ELF2: variants seen among roughly 807,000 people sequenced by gnomAD.
The protein encoded by ELF2 is ETS-related transcription factor Elf-2.
ELF2 carries 11 observed loss-of-function variants against 54.8 expected under a neutral mutation model. The observed-to-expected ratio is 0.20, with a 90% CI of 0.13 to 0.33. The LOEUF is 0.33. Ranked by LOEUF, ELF2 falls within the 10% of genes least tolerant of loss-of-function variation. ELF2 has a pLI of 1.00. For missense variants in ELF2, 513 were observed against 703.0 expected, an observed-to-expected ratio of 0.73 and a Z score of 3.06; for synonymous variants, 203 against 245.1, an observed-to-expected ratio of 0.83 and a Z score of 1.61.
At chr4:139,137,479 C>T in intron 3 of ELF2, 151 bp downstream of exon 3, 1 of 754,032 alleles carries the variant, frequency 1.3e-6, no homozygotes, top group Non-Finnish European at 2.1e-6. Context: ...CCTTCTATTA[C>T]CTAAATTATA....
chr4:139,096,352 GT>G (rs1293627968), intron 4 of ELF2, among the ~76,000 whole-genome samples: 3 of 151,796 alleles, frequency 2.0e-5, no homozygotes, highest in Non-Finnish European at 4.4e-5. Flanking sequence ...ATACTTCCAC[GT>G]TATAATGGAC....
At chr4:139,166,423 A>T (rs1741731774) in intron 1 of ELF2, among the ~76,000 whole-genome samples, 1 of 152,020 alleles carries the variant, frequency 6.6e-6, no homozygotes, top group African/African-American at 2.4e-5. Context: ...AAATAAAAAT[A>T]AAAATATCTG....
chr4:139,110,746 A>C (rs1328780684), intron 4 of ELF2, among the ~76,000 whole-genome samples: 1 of 152,216 alleles, frequency 6.6e-6, no homozygotes, highest in Non-Finnish European at 1.5e-5. Flanking sequence ...CCCTATAAAA[A>C]TGAGAACTTG....
chr4:139,081,639 A>C (rs1262881240), intron 4 of ELF2, among the ~76,000 whole-genome samples: 1 of 151,670 alleles, frequency 6.6e-6, no homozygotes, highest in Non-Finnish European at 1.5e-5. Flanking sequence ...ATAAAAAGGT[A>C]TTCTGTCCAT....
intron 1 of ELF2, among the ~76,000 whole-genome samples, chr4:139,160,300 GCTATCTCAGAC>G (rs1311740189): frequency 6.6e-6 from 1 of 152,166 alleles, no homozygotes; most frequent in African/African-American, 2.4e-5. Context: ...TCTAAGAATA[GCTATCTCAGAC>G]CTACTATGTT....
Position 139,060,677 on chromosome 4 carries a change from G to C in ELF2, c.807-3C>G. On this transcript the variant is annotated splice_polypyrimidine_tract_variant and splice_region_variant and intron_variant, in intron 8 of 9. Transcript: ENST00000686138. ...GAATTCCCCTTTGGTAGTAGTATCTGTAAGGGGAAAATGTACCAAATGAAT... is the reference window on the plus strand; with the variant it reads ...GAATTCCCCTTTGGTAGTAGTATCTCTAAGGGGAAAATGTACCAAATGAAT... 1 of 1,571,282 alleles carries C rather than the reference G, an allele frequency of 6.4e-7. No individual in the cohort carries two copies. The highest frequency in any genetic ancestry group is 8.6e-7 in the Non-Finnish European group (1 of 1,160,274).
At chr4:139,141,099 TC>T (rs1445450286) in intron 1 of ELF2, among the ~76,000 whole-genome samples, 1 of 152,034 alleles carries the variant, frequency 6.6e-6, no homozygotes, top group Non-Finnish European at 1.5e-5. Context: ...CCCTTTCAAT[TC>T]CCCCTTGCAG....
intron 3 of ELF2, among the ~76,000 whole-genome samples, chr4:139,133,157 G>A (rs562291788): frequency 1.3e-5 from 2 of 152,112 alleles, no homozygotes; most frequent in African/African-American, 2.4e-5. Flanking sequence ...TCCTGACCTC[G>A]TGATCCGCCC....
intron 4 of ELF2, among the ~76,000 whole-genome samples, chr4:139,117,643 C>A (rs1735876504): frequency 6.6e-6 from 1 of 152,018 alleles, no homozygotes; most frequent in Non-Finnish European, 1.5e-5. Context: ...TGCAGTGCCA[C>A]TGCACTCTAG....
In ELF2 at chr4:139,076,526, CTCTTG is replaced by C. The variant is rs1430099274; in HGVS notation, c.239-2964_239-2960del. ...AAAGTCTGCTTGTGTTGCAATTTAG[CTCTTG>C]TCTTAGGTGCTATTAATAAACTATC... On this transcript the variant is annotated intron_variant, in intron 4 of 9. Transcript: ENST00000686138. Among the ~76,000 whole-genome samples the C allele has an allele frequency of 5.3e-5, 8 of 151,784 alleles. No individual in the cohort carries two copies. In the South Asian group the frequency reaches 1.7e-3, roughly 32 times the overall value.
chr4:139,124,485 C>T (rs1052973064), intron 4 of ELF2, among the ~76,000 whole-genome samples: 2 of 152,104 alleles, frequency 1.3e-5, no homozygotes, highest in Middle Eastern at 3.4e-3. Context: ...TCTTTTTCTC[C>T]ATTAACAGCT....
At chr4:139,140,359 C>T (rs1267179982) in intron 1 of ELF2, among the ~76,000 whole-genome samples, 1 of 152,180 alleles carries the variant, frequency 6.6e-6, no homozygotes, top group East Asian at 1.9e-4. Flanking sequence ...GATCGTAGGC[C>T]TTGTTCCATC....
chr4:139,097,638 G>GA (rs1157843600), intron 4 of ELF2, among the ~76,000 whole-genome samples: 6 of 145,984 alleles, frequency 4.1e-5, no homozygotes, highest in African/African-American at 7.5e-5. Flanking sequence ...AAAAAGTAAA[G>GA]AAAAAAAAAT....
At chr4:139,119,209 A>C (rs142120235) in intron 4 of ELF2, among the ~76,000 whole-genome samples, 12 of 152,366 alleles carry the variant, frequency 7.9e-5, no homozygotes, top group African/African-American at 2.9e-4. Flanking sequence ...TTCCTTGGGA[A>C]AAATCTATGA....
chr4:139,084,396 A>T (rs1246120489), intron 4 of ELF2: 4 of 1,435,468 alleles, frequency 2.8e-6, no homozygotes, highest in Admixed American at 4.6e-5. Context: ...CGGGCTGAGA[A>T]ACCCCACCAC....
Position 139,139,494 on chromosome 4 carries a change from G to T in ELF2, c.-248C>A. On this transcript the variant is annotated 5_prime_UTR_variant, in exon 2 of 10. Transcript: ENST00000686138. Reference sequence around the variant, plus strand: ...CTAAAATCTGAACCAGTAGTTCTTTGGAACTGCCAGCGGGAGGGGAAAAAA... The same window carrying T: ...CTAAAATCTGAACCAGTAGTTCTTTTGAACTGCCAGCGGGAGGGGAAAAAA... The T allele has an allele frequency of 8.1e-7, 1 of 1,227,870 alleles. No individual in the cohort carries two copies. Among genetic ancestry groups the T allele is most frequent in the South Asian group, 4.1e-5 (1 of 24,264 alleles). The allele number at this position is 1,227,870 out of a possible 1,614,324, so 76.1% of individuals were successfully genotyped here.
intron 4 of ELF2, among the ~76,000 whole-genome samples, chr4:139,092,417 A>ATAACAAACCT: frequency 1.7e-5 from 1 of 58,020 alleles, no homozygotes; most frequent in South Asian, 6.4e-4. Context: ...CATAACATAC[A>ATAACAAACCT]TAACATAACA....
At chr4:139,084,399 C>G in intron 4 of ELF2, 1 of 1,428,410 alleles carries the variant, frequency 7.0e-7, no homozygotes, top group Non-Finnish European at 9.2e-7. Context: ...GCTGAGAAAC[C>G]CCACCACCTA....
chr4:139,091,972 CTACATATA>C (rs769897727), intron 4 of ELF2, among the ~76,000 whole-genome samples: 48 of 148,164 alleles, frequency 3.2e-4, no homozygotes, highest in South Asian at 6.3e-4. Flanking sequence ...CATATATACA[CTACATATA>C]TACATATATA....
Sources: allele counts gnomAD v4.1 joint callset (sites outside exome capture counted in the v4.1 genomes callset), GRCh38; gene constraint gnomAD v4.1.1; transcripts MANE v1.5; gene names NCBI Gene and HGNC (gene_info 2026-07-23, HGNC 2026-07-21).